Variants in CERK observed in about 807,000 individuals in gnomAD.
CERK encodes ceramide kinase.
Under a neutral mutation model 63.4 loss-of-function variants are expected in CERK, and 39 were observed. The ratio of observed to expected loss-of-function variants is 0.61; its 90% confidence interval spans 0.48 to 0.80. CERK has a LOEUF of 0.80. Ranked by LOEUF, CERK falls within the 30% of genes least tolerant of loss-of-function variation. The pLI is 0.00. For missense variants in CERK, 670 were observed against 714.1 expected (o/e 0.94, Z 0.70); for synonymous variants, 302 against 280.0 (o/e 1.08, Z -0.78).
At chr22:46,727,431 C>T (rs1246086903) in intron 1 of CERK, among the ~76,000 whole-genome samples, 2 of 149,180 alleles carry the variant, frequency 1.3e-5, no homozygotes, top group African/African-American at 4.9e-5. Flanking sequence ...AGGTGTGTGC[C>T]ACCATGCCCA....
rs940687698 is a variant in CERK, at chr22:46,686,499, C to T, written c.*635G>A. The T allele has an allele frequency of 6.5e-6, 1 of 153,114 alleles. No individual in the cohort carries two copies. The highest frequency in any genetic ancestry group is 1.5e-5 in the Non-Finnish European group (1 of 68,632). 9.5% of individuals were successfully genotyped at this position (153,114 alleles called of 1,614,324 possible). The stretch of plus-strand genomic sequence containing the variant: ...CATGCTCCCAGCCGGATTGTCGTAG[C>T]CTCGCCGCCGTGATGAGGCAGGTGT... On this transcript the variant is annotated 3_prime_UTR_variant, in exon 13 of 13. Coordinates refer to ENST00000216264, the MANE Select transcript of CERK (RefSeq NM_022766.6).
intron 8 of CERK, 150 bp downstream of exon 8, chr22:46,699,163 C>G: frequency 1.2e-6 from 1 of 806,660 alleles, no homozygotes; most frequent in Non-Finnish European, 2.0e-6. Context: ...ACGTTCTGGC[C>G]CCGGCACATT....
intron 6 of CERK, among the ~76,000 whole-genome samples, chr22:46,704,494 A>G (rs989819376): frequency 2.0e-5 from 3 of 152,218 alleles, no homozygotes; most frequent in South Asian, 2.1e-4. Context: ...ACAAAAACCA[A>G]TGAAGGGCAA....
chr22:46,708,809 C>T (rs2082826325), intron 5 of CERK, among the ~76,000 whole-genome samples: 1 of 152,080 alleles, frequency 6.6e-6, no homozygotes, highest in Non-Finnish European at 1.5e-5. Context: ...CCTACGGCAG[C>T]CCAAGAGCTC....
intron 1 of CERK, among the ~76,000 whole-genome samples, chr22:46,737,179 GC>G (rs2082977860): frequency 6.6e-6 from 1 of 151,780 alleles, no homozygotes; most frequent in South Asian, 2.1e-4. Flanking sequence ...TGTAATCCCA[GC>G]TACTCCGAGG....
At chr22:46,710,122 T>G (rs1276496059) in intron 5 of CERK, among the ~76,000 whole-genome samples, 1 of 152,142 alleles carries the variant, frequency 6.6e-6, no homozygotes, top group African/African-American at 2.4e-5. Context: ...CAGTAAATAA[T>G]ATACTATAAG....
rs1555989230 is a variant in CERK at position 46,727,449 on chromosome 22, C to CTTTCTTT, written c.143-6435_143-6434insAAAGAAA. ...TGTGTGCCACCATGCCCAGCTGTTT[C>CTTTCTTT]TTTTTTTTTTTTTTTTTGAGAGATG... On this transcript the variant is annotated intron_variant, in intron 1 of 12. Coordinates refer to ENST00000216264, the MANE Select transcript of CERK (RefSeq NM_022766.6). Among the ~76,000 whole-genome samples, 151 of 61,820 alleles carry CTTTCTTT rather than the reference C, an allele frequency of 2.4e-3. 1 individual carries two copies. The East Asian group carries it at 0.13, about 52-fold the overall frequency. 40.6% of individuals were successfully genotyped at this position (61,820 alleles called of 152,430 possible).
intron 1 of CERK, among the ~76,000 whole-genome samples, chr22:46,722,229 G>A (rs1332932787): frequency 5.9e-5 from 9 of 152,212 alleles, no homozygotes; most frequent in Non-Finnish European, 1.2e-4. Context: ...TATAACATTT[G>A]TGGTAATTTT....
At chr22:46,710,492 A>G (rs1210275881) in intron 5 of CERK, among the ~76,000 whole-genome samples, 2 of 152,182 alleles carry the variant, frequency 1.3e-5, no homozygotes, top group Admixed American at 6.6e-5. Flanking sequence ...ATATGGCTGT[A>G]CACGGCAGAG....
At chr22:46,737,291 C>CAA (rs34667609) in intron 1 of CERK, among the ~76,000 whole-genome samples, 1,484 of 69,242 alleles carry the variant, frequency 0.021, 34 homozygotes, top group African/African-American at 0.059. Context: ...CACTCCGACT[C>CAA]AAAAAAAAAA....
At chr22:46,719,148 TTGTG>T (rs10583580) in intron 3 of CERK, among the ~76,000 whole-genome samples, 22 of 149,964 alleles carry the variant, frequency 1.5e-4, no homozygotes, top group East Asian at 7.8e-4. Context: ...ACCTACCACT[TTGTG>T]TGTGTGTGTG....
chr22:46,695,416 G>A, intron 8 of CERK, 101 bp from the exon 9 acceptor site: 1 of 779,486 alleles, frequency 1.3e-6, no homozygotes, highest in Non-Finnish European at 2.3e-6. Flanking sequence ...GCGCGCATCT[G>A]CCTAAACCGT....
At position 46,687,061 on chromosome 22, in the gene CERK, A is replaced by G; in HGVS notation, c.*73T>C. ...TTTCTACATTTAAATGTATATATCAACATAATTGGTCTGTAATAATTATCT... is the reference window on the plus strand; with the variant it reads ...TTTCTACATTTAAATGTATATATCAGCATAATTGGTCTGTAATAATTATCT... On this transcript the variant is annotated 3_prime_UTR_variant, in exon 13 of 13. Transcript: ENST00000216264. 1 of 1,213,664 alleles carries G rather than the reference A, an allele frequency of 8.2e-7. No individual in the cohort carries two copies. 75.2% of individuals were successfully genotyped at this position (1,213,664 alleles called of 1,614,324 possible).
intron 3 of CERK, 45 bp downstream of exon 3, chr22:46,720,041 A>T: frequency 6.3e-7 from 1 of 1,599,148 alleles, no homozygotes; most frequent in Non-Finnish European, 8.5e-7. Flanking sequence ...AGGCATGCGC[A>T]TGCCACCACG....
intron 12 of CERK, among the ~76,000 whole-genome samples, chr22:46,688,940 C>T (rs1357145700): frequency 6.6e-6 from 1 of 152,250 alleles, no homozygotes; most frequent in Non-Finnish European, 1.5e-5. Flanking sequence ...AAAAAATCAA[C>T]TTGCTTGTTA....
intron 12 of CERK, among the ~76,000 whole-genome samples, chr22:46,689,642 A>T (rs1175055652): frequency 2.0e-5 from 3 of 151,932 alleles, no homozygotes; most frequent in African/African-American, 7.3e-5. Context: ...CCACCTTTTG[A>T]ATTATTTAGG....
Position 46,711,082 on chromosome 22 carries a change from T to A in CERK, c.569+4A>T. On this transcript the variant is annotated splice_donor_region_variant and intron_variant, in intron 5 of 12. Coordinates refer to ENST00000216264, the MANE Select transcript of CERK (RefSeq NM_022766.6). ...TTGATGGCGATGAAAGACGGCTTACTCACCCGTCGTATTTGTCTATGTTAA... is the reference window on the plus strand; with the variant it reads ...TTGATGGCGATGAAAGACGGCTTACACACCCGTCGTATTTGTCTATGTTAA... 6.2e-7 allele frequency: 1 copy of A among 1,611,480 alleles called. No individual in the cohort carries two copies. The highest frequency in any genetic ancestry group is 8.5e-7 in the Non-Finnish European group (1 of 1,177,892).
Position 46,695,294 on chromosome 22 carries a change from TG to T in CERK, c.964del (p.His322ThrfsTer111). On this transcript the variant is annotated frameshift_variant, in exon 9 of 13. Transcript: ENST00000216264. LOFTEE classifies it high-confidence loss of function. ...GGACACTGTCCCTTCATAGCAGTGG[TG>T]GGAGAGGAAGGTCTTTAAACCTGGG... ...DFSGLKTFLSHHCYEGTVSFL... is the reference protein window; with the variant it reads ...DFSGLKTFLSXHCYEGTVSFL... 6.2e-7 allele frequency: 1 copy of T among 1,607,988 alleles called. No individual in the cohort carries two copies. Among genetic ancestry groups the T allele is most frequent in the Non-Finnish European group, 8.5e-7 (1 of 1,174,456 alleles).
In CERK at chr22:46,714,912, A is replaced by G. The variant is rs1427234688; in HGVS notation, c.380-2619T>C. Among the ~76,000 whole-genome samples the G allele has an allele frequency of 6.6e-6, 1 of 152,152 alleles. No homozygotes were observed. The highest frequency in any genetic ancestry group is 1.5e-5 in the Non-Finnish European group (1 of 68,042). ...TCCAGTGACACATAAACAGTACTACATCACAACCAAGAGAGGTTTGTTTAC... is the reference window on the plus strand; with the variant it reads ...TCCAGTGACACATAAACAGTACTACGTCACAACCAAGAGAGGTTTGTTTAC... On this transcript the variant is annotated intron_variant, in intron 3 of 12. Coordinates refer to ENST00000216264, the MANE Select transcript of CERK (RefSeq NM_022766.6). The surrounding 1 kb of genome is among the most constrained non-coding windows in gnomAD (Gnocchi z 4.4).
Sources: gnomAD v4.1 joint callset for allele counts (sites outside exome capture counted in the v4.1 genomes callset) on GRCh38, gnomAD v4.1.1 for gene constraint, Gnocchi (gnomAD v3.1) non-coding constraint, MANE v1.5 for transcripts, NCBI Gene and HGNC (gene_info 2026-07-23, HGNC 2026-07-21) for gene names.